Variants in IQCB1 observed in about 807,000 individuals in gnomAD.
IQCB1 encodes IQ motif containing B1.
In IQCB1, 56 loss-of-function variants were observed where a neutral mutation model predicts 84.4. The observed-to-expected ratio is 0.66, with a 90% confidence interval of 0.54 to 0.83. The LOEUF (loss-of-function observed/expected upper bound fraction) is 0.83. Ranked by LOEUF, IQCB1 falls within the 40% of genes least tolerant of loss-of-function variation. The pLI is 0.00. For missense variants in IQCB1, 629 were observed against 682.1 expected (o/e 0.92, Z 0.87); for synonymous variants, 210 against 234.8 (o/e 0.89, Z 0.96).
intron 12 of IQCB1, among the ~76,000 whole-genome samples, chr3:121,784,905 C>T (rs1948645128): frequency 6.6e-6 from 1 of 152,108 alleles, no homozygotes; most frequent in African/African-American, 2.4e-5. Context: ...AACTCCTGAG[C>T]TCAAGTGATC....
intron 9 of IQCB1, 74 bp from the exon 10 acceptor site, chr3:121,795,640 G>A (rs1949157616): frequency 8.3e-6 from 7 of 845,134 alleles, no homozygotes; most frequent in Non-Finnish European, 4.1e-6. Flanking sequence ...ACCTCTTAAA[G>A]TATCAGGTTA....
chr3:121,809,346 T>C (rs567482644), intron 5 of IQCB1, among the ~76,000 whole-genome samples: 6 of 152,186 alleles, frequency 3.9e-5, no homozygotes, highest in Non-Finnish European at 8.8e-5. Context: ...AAGCTTTAGT[T>C]CAAATATACT....
At chr3:121,797,028 A>C in intron 9 of IQCB1, 90 bp downstream of exon 9, 5 of 784,246 alleles carry the variant, frequency 6.4e-6, no homozygotes, top group Non-Finnish European at 1.1e-5. Flanking sequence ...TGAAATCTTA[A>C]GAGAAAGAAA....
intron 13 of IQCB1, 80 bp downstream of exon 13, chr3:121,781,663 A>ACACAC (rs1553709034): frequency 1.5e-4 from 158 of 1,046,466 alleles, no homozygotes; most frequent in African/African-American, 2.8e-4. Flanking sequence ...ACACACACAC[A>ACACAC]ATATATGTGT....
Position 121,783,185 on chromosome 3 carries a change from A to C in IQCB1, c.1279-1311T>G, listed in dbSNP as rs563910827. 5.9e-5 allele frequency among the ~76,000 whole-genome samples: 9 copies of C among 152,286 alleles called. No individual in the cohort carries two copies. In the South Asian group the frequency reaches 1.9e-3, roughly 32 times the overall value. Reference sequence around the variant, plus strand: ...TGCGATTGTTTAATTTGTCAGTTTCATAAGAATTACTAGAATTCTTACTAG... The same window carrying C: ...TGCGATTGTTTAATTTGTCAGTTTCCTAAGAATTACTAGAATTCTTACTAG... On this transcript the variant is annotated intron_variant, in intron 12 of 14. Coordinates refer to ENST00000310864, the MANE Select transcript of IQCB1 (RefSeq NM_001023570.4).
In IQCB1 at chr3:121,830,693, T is replaced by A. The variant is rs565710725; in HGVS notation, c.-12-1721A>T. On this transcript the variant is annotated intron_variant, in intron 2 of 14. Coordinates refer to ENST00000310864, the MANE Select transcript of IQCB1 (RefSeq NM_001023570.4). ...TTACAGTCTTGTTATGTTAGGGTGC[T>A]TTAGGCCTCAGAAAACAGAATCTAT... 5.9e-5 allele frequency among the ~76,000 whole-genome samples: 9 copies of A among 152,316 alleles called. No homozygotes were observed. The South Asian group carries it at 1.9e-3, about 32-fold the overall frequency.
chr3:121,799,177 G>A lies in IQCB1; in HGVS notation c.766+19C>T. The A allele has an allele frequency of 6.3e-7, 1 of 1,584,290 alleles. No individual in the cohort carries two copies. The highest frequency in any genetic ancestry group is 1.7e-5 in the Admixed American group (1 of 58,622). ...TTTCTTTTTGAGAATCCCAAGAAAA[G>A]AAAGAATGAATGTACTACCTTTGTA... On this transcript the variant is annotated intron_variant, in intron 8 of 14. Transcript: ENST00000310864.
rs1454866091 is a variant in IQCB1, at chr3:121,788,304, C to T, written c.1258G>A (p.Ala420Thr). 2 of 1,613,872 alleles carry T rather than the reference C, an allele frequency of 1.2e-6. No homozygotes were observed. Among genetic ancestry groups the T allele is most frequent in the African/African-American group, 2.7e-5 (2 of 74,904 alleles). Reference protein sequence around the residue: ...QRQSLIEYKAAVTLQRAALKF... With the variant: ...QRQSLIEYKATVTLQRAALKF... ...CTCACTGCTCTTTGAAGTGTGACAG[C>T]TGCTTTATACTCTATGAGAGACTGC... Residue 420 changes from alanine (A) to threonine (T), a missense_variant, in exon 12 of 15, where the codon GCT becomes ACT. Ala to Thr is a moderately conservative substitution (Grantham distance 58). Transcript: ENST00000310864.
intron 5 of IQCB1, among the ~76,000 whole-genome samples, chr3:121,825,064 T>TC (rs1211323492): frequency 6.6e-6 from 1 of 150,714 alleles, no homozygotes; most frequent in Non-Finnish European, 1.5e-5. Context: ...TTCTTTTCTT[T>TC]TTTTTTTTTT....
At chr3:121,829,854 A>G (rs1950572987) in intron 2 of IQCB1, among the ~76,000 whole-genome samples, 1 of 152,198 alleles carries the variant, frequency 6.6e-6, no homozygotes, top group Admixed American at 6.5e-5. Flanking sequence ...GACCTTCAAC[A>G]CACTAATGCT....
At chr3:121,830,575 T>C (rs1024285803) in intron 2 of IQCB1, among the ~76,000 whole-genome samples, 4 of 152,238 alleles carry the variant, frequency 2.6e-5, no homozygotes, top group African/African-American at 7.2e-5. Flanking sequence ...ATGAAGTAGA[T>C]AGAGCGTGTG....
intron 6 of IQCB1, among the ~76,000 whole-genome samples, chr3:121,808,106 T>C (rs144693392): frequency 0.012 from 1,884 of 152,124 alleles, 44 homozygotes; most frequent in African/African-American, 0.042. Flanking sequence ...TTCCATTCCA[T>C]GCTCAATAAC....
chr3:121,821,248 G>A (rs555638787), intron 5 of IQCB1, among the ~76,000 whole-genome samples: 2 of 152,274 alleles, frequency 1.3e-5, no homozygotes, highest in South Asian at 2.1e-4. Context: ...TTATACAGGC[G>A]TGAGCCACTG....
chr3:121,778,615 G>C (rs766186207), intron 13 of IQCB1, among the ~76,000 whole-genome samples: 2 of 151,448 alleles, frequency 1.3e-5, no homozygotes, highest in Non-Finnish European at 2.9e-5. Flanking sequence ...TTTAAAGCAA[G>C]ATATCTTTCG....
At chr3:121,780,987 A>G (rs922156111) in intron 13 of IQCB1, among the ~76,000 whole-genome samples, 2 of 152,244 alleles carry the variant, frequency 1.3e-5, no homozygotes, top group African/African-American at 4.8e-5. Flanking sequence ...GGTTCAAATG[A>G]GGGAATAATT....
intron 11 of IQCB1, 62 bp downstream of exon 11, chr3:121,790,011 G>C: frequency 2.1e-6 from 3 of 1,420,886 alleles, no homozygotes; most frequent in Non-Finnish European, 3.0e-6. Flanking sequence ...AGCTAGAAAA[G>C]TTGGTTTGTT....
Position 121,814,079 on chromosome 3 carries a change from C to T in IQCB1, c.394-5070G>A, listed in dbSNP as rs144242693. 3.3e-3 allele frequency among the ~76,000 whole-genome samples: 500 copies of T among 152,224 alleles called. 8 individuals are homozygous for T. Among genetic ancestry groups the T allele is most frequent in the East Asian group, 0.011 (59 of 5,190 alleles). On this transcript the variant is annotated intron_variant, in intron 5 of 14. Coordinates refer to ENST00000310864, the MANE Select transcript of IQCB1 (RefSeq NM_001023570.4). ...AGAAATCATAACAAACAGTCTCAGT[C>T]CACGGTGCAATCAAATTAGAACTCA...
chr3:121,806,800 T>C (rs1159489574), intron 7 of IQCB1, among the ~76,000 whole-genome samples: 3 of 92,300 alleles, frequency 3.3e-5, no homozygotes, highest in East Asian at 2.1e-4. Flanking sequence ...AACTCTATAA[T>C]TGCAATGACA....
At chr3:121,798,194 C>T (rs899618966) in intron 8 of IQCB1, among the ~76,000 whole-genome samples, 2 of 151,896 alleles carry the variant, frequency 1.3e-5, no homozygotes, top group African/African-American at 4.8e-5. Context: ...CTTTCCTTCT[C>T]TATTCCTACA....
Sources: gnomAD v4.1 joint callset for allele counts (sites outside exome capture counted in the v4.1 genomes callset) on GRCh38, gnomAD v4.1.1 for gene constraint, MANE v1.5 for transcripts, NCBI Gene and HGNC (gene_info 2026-07-23, HGNC 2026-07-21) for gene names.